PCDH9: variants seen among roughly 807,000 people sequenced by gnomAD.
PCDH9 encodes protocadherin 9.
In PCDH9, 24 loss-of-function variants were observed where a neutral mutation model predicts 70.6. That is an observed-to-expected ratio of 0.34 (90% CI 0.25 to 0.48). The LOEUF is 0.48. PCDH9 is among the 20% of genes least tolerant of loss of function. The pLI is 0.99. For synonymous variants in PCDH9, 562 were observed against 558.5 expected (o/e 1.01, Z -0.09); for missense variants, 1,281 against 1,503.6 (o/e 0.85, Z 2.45).
chr13:67,115,650 G>T (rs1435332510), intron 2 of PCDH9, among the ~76,000 whole-genome samples: 4 of 151,638 alleles, frequency 2.6e-5, no homozygotes, highest in Non-Finnish European at 5.9e-5. Flanking sequence ...TGTCTCCAGT[G>T]AAATGCAATT....
chr13:66,610,275 TG>T (rs1173674615), intron 4 of PCDH9, among the ~76,000 whole-genome samples: 7 of 151,504 alleles, frequency 4.6e-5, no homozygotes, highest in African/African-American at 1.7e-4. Flanking sequence ...CAAAGGAGAA[TG>T]AGACAGAGAG....
At chr13:67,127,072 G>T (rs2086995569) in intron 2 of PCDH9, among the ~76,000 whole-genome samples, 1 of 152,054 alleles carries the variant, frequency 6.6e-6, no homozygotes, top group South Asian at 2.1e-4. Context: ...TATAAATTAT[G>T]GTTGCCCCAT....
chr13:66,903,623 A>G lies in PCDH9; in HGVS notation c.3037-18T>C, dbSNP rs1226720217. 9.2e-7 allele frequency: 1 copy of G among 1,089,238 alleles called. No homozygotes were observed. Among genetic ancestry groups the G allele is most frequent in the Non-Finnish European group, 1.4e-6 (1 of 708,694 alleles). The allele number at this position is 1,089,238 out of a possible 1,614,324, so 67.5% of individuals were successfully genotyped here. A position where few individuals can be genotyped will look rare whatever the true frequency, so the allele number is the denominator to read the frequency against. ...GAGTTACACTGAAAGAGATTACCAA[A>G]TAATTGTGACAAACTACTCCACATT... is the stretch of plus-strand genomic sequence containing the variant. On this transcript the variant is annotated intron_variant, in intron 2 of 4. Transcript: ENST00000377865.
intron 4 of PCDH9, among the ~76,000 whole-genome samples, chr13:66,473,065 C>A (rs1157256007): frequency 6.6e-6 from 1 of 151,834 alleles, no homozygotes; most frequent in Non-Finnish European, 1.5e-5. Flanking sequence ...TCCCAGGAAT[C>A]ACAACTGACA....
chr13:66,897,086 T>C (rs530909739), intron 3 of PCDH9, among the ~76,000 whole-genome samples: 2 of 152,314 alleles, frequency 1.3e-5, no homozygotes, highest in East Asian at 3.9e-4. Flanking sequence ...CATGTTGATA[T>C]GAGTATACTC....
chr13:66,409,361 T>G (rs1044205747), intron 4 of PCDH9, among the ~76,000 whole-genome samples: 1 of 152,178 alleles, frequency 6.6e-6, no homozygotes. Flanking sequence ...AATATCATAT[T>G]TACATATTTA....
At chr13:66,934,783 C>G (rs1368359869) in intron 2 of PCDH9, among the ~76,000 whole-genome samples, 18 of 112,530 alleles carry the variant, frequency 1.6e-4, no homozygotes, top group Admixed American at 2.6e-4. Flanking sequence ...TGCAGTGGCG[C>G]GATCTCGGCT....
At chr13:66,507,927 T>G (rs1323914023) in intron 4 of PCDH9, among the ~76,000 whole-genome samples, 1 of 152,112 alleles carries the variant, frequency 6.6e-6, no homozygotes, top group Non-Finnish European at 1.5e-5. Flanking sequence ...TTCACCGCGT[T>G]AGCCAGGATG....
chr13:66,349,298 A>C (rs1956258827), intron 4 of PCDH9, among the ~76,000 whole-genome samples: 1 of 152,098 alleles, frequency 6.6e-6, no homozygotes, highest in Non-Finnish European at 1.5e-5. Flanking sequence ...GGGTGATTTA[A>C]AGCATACGCC....
intron 2 of PCDH9, among the ~76,000 whole-genome samples, chr13:67,095,535 G>A (rs1015698883): frequency 1.3e-5 from 2 of 152,230 alleles, no homozygotes; most frequent in East Asian, 3.9e-4. Context: ...TGTTTGACAG[G>A]TATGAAAATA....
Position 66,318,451 on chromosome 13 carries a change from TA to T in PCDH9, c.3341-13424del, listed in dbSNP as rs369866817. ...AGACAAACCATTGTCATCACACTTT[TA>T]TACAAGGCATGAATTATTTATCATG... On this transcript the variant is annotated intron_variant, in intron 4 of 4. Transcript: ENST00000377865. Among the ~76,000 whole-genome samples the T allele has an allele frequency of 4.3e-3, 650 of 152,308 alleles. 2 individuals carry two copies. The highest frequency in any genetic ancestry group is 0.015 in the African/African-American group (624 of 41,568).
chr13:66,363,805 AAC>A (rs1167054754), intron 4 of PCDH9, among the ~76,000 whole-genome samples: 2 of 151,430 alleles, frequency 1.3e-5, no homozygotes, highest in Admixed American at 6.6e-5. Flanking sequence ...ATACTACATG[AAC>A]ACACATTGAG....
intron 4 of PCDH9, among the ~76,000 whole-genome samples, chr13:66,472,825 C>A (rs1958645790): frequency 6.6e-6 from 1 of 151,920 alleles, no homozygotes; most frequent in South Asian, 2.1e-4. Context: ...ATATGAGAAT[C>A]AAGAATTTAT....
At chr13:66,507,615 C>T (rs548388628) in intron 4 of PCDH9, among the ~76,000 whole-genome samples, 6 of 152,224 alleles carry the variant, frequency 3.9e-5, no homozygotes, top group East Asian at 1.9e-4. Context: ...CTGTCTGCCA[C>T]GAAAATATAG....
intron 2 of PCDH9, among the ~76,000 whole-genome samples, chr13:67,169,549 G>T (rs1188518882): frequency 6.6e-6 from 1 of 152,062 alleles, no homozygotes; most frequent in Admixed American, 6.5e-5. Flanking sequence ...TTTAATTATT[G>T]TTATTGAAAT....
At chr13:66,958,809 T>A (rs2083301565) in intron 2 of PCDH9, among the ~76,000 whole-genome samples, 1 of 152,198 alleles carries the variant, frequency 6.6e-6, no homozygotes, top group Non-Finnish European at 1.5e-5. Context: ...GTCACTCAGC[T>A]AAGTACCCAC....
At chr13:66,376,533 C>T (rs1405980453) in intron 4 of PCDH9, among the ~76,000 whole-genome samples, 3 of 151,812 alleles carry the variant, frequency 2.0e-5, no homozygotes, top group Non-Finnish European at 4.4e-5. Flanking sequence ...AAACAGATGA[C>T]TTTTTTTCAT....
intron 2 of PCDH9, among the ~76,000 whole-genome samples, chr13:66,951,909 G>A (rs2083188445): frequency 6.6e-6 from 1 of 152,118 alleles, no homozygotes; most frequent in Admixed American, 6.6e-5. Flanking sequence ...AGGTGAATTT[G>A]TATGTTAATC....
At chr13:67,198,911 A>AT (rs1396539673) in intron 2 of PCDH9, among the ~76,000 whole-genome samples, 1 of 151,908 alleles carries the variant, frequency 6.6e-6, no homozygotes, top group East Asian at 1.9e-4. Flanking sequence ...TTAAAGTATA[A>AT]TTTTTTAAAA....
Sources: gnomAD v4.1 joint callset for allele counts (sites outside exome capture counted in the v4.1 genomes callset) on GRCh38, gnomAD v4.1.1 for gene constraint, MANE v1.5 for transcripts, NCBI Gene and HGNC (gene_info 2026-07-23, HGNC 2026-07-21) for gene names.